Variants in APBB2 observed in about 807,000 individuals in gnomAD.
APBB2 encodes the protein amyloid beta precursor protein binding family B member 2.
In APBB2, 38 loss-of-function variants were observed where a neutral mutation model predicts 82.5. The ratio of observed to expected loss-of-function variants is 0.46; its 90% CI spans 0.36 to 0.60. The LOEUF is 0.60. Among genes scored for constraint, APBB2 ranks in the 20% least tolerant of loss-of-function variants. The pLI is 0.00. For synonymous variants in APBB2, 341 were observed against 368.2 expected (o/e 0.93, Z 0.85); for missense variants, 772 against 972.3 (o/e 0.79, Z 2.74).
At chr4:41,194,559 T>G in intron 1 of APBB2, among the ~76,000 whole-genome samples, 1 of 152,166 alleles carries the variant, frequency 6.6e-6, no homozygotes, top group East Asian at 1.9e-4. Context: ...GGCAGGCGCC[T>G]GTAGTCCCCG....
chr4:40,904,479 C>T (rs1350264441), intron 10 of APBB2, among the ~76,000 whole-genome samples: 1 of 149,612 alleles, frequency 6.7e-6, no homozygotes, highest in Non-Finnish European at 1.5e-5. Context: ...AATAAGGCAG[C>T]CAGTGAGCAA....
chr4:41,200,980 A>T (rs1776551498), intron 1 of APBB2, among the ~76,000 whole-genome samples: 1 of 152,180 alleles, frequency 6.6e-6, no homozygotes, highest in African/African-American at 2.4e-5. Context: ...ATGCTCTCAA[A>T]CAACCTTAGT....
chr4:40,935,215 C>T lies in APBB2; in HGVS notation c.1045-76G>A. On this transcript the variant is annotated intron_variant, in intron 7 of 17. Coordinates refer to ENST00000508593, the MANE Select transcript of APBB2 (RefSeq NM_004307.2). ...AAGAAAAGAAAAGAAAAAAAAAAAA[C>T]ACAAGACACTGTTGTTAGCATTGAT... 3.2e-6 allele frequency: 3 copies of T among 932,006 alleles called. No individual in the cohort carries two copies. The South Asian group carries it at 4.9e-5, about 15-fold the overall frequency. 57.7% of individuals were successfully genotyped at this position (932,006 alleles called of 1,614,324 possible). A position where few individuals can be genotyped will look rare whatever the true frequency, so the allele number is the denominator to read the frequency against.
rs541996963 is a variant in APBB2 at position 40,955,748 on chromosome 4, C to T, written c.836-10675G>A. 1.3e-3 allele frequency among the ~76,000 whole-genome samples: 198 copies of T among 151,982 alleles called. 1 individual carries two copies. The highest frequency in any genetic ancestry group is 2.4e-3 in the Non-Finnish European group (161 of 67,996). On this transcript the variant is annotated intron_variant, in intron 6 of 17. Transcript: ENST00000508593. ...AGCAACATAAAAAGATTCCATCTCC[C>T]TCCCCTAACCAAAACATATTTTTCT...
At chr4:41,180,599 G>T (rs953492740) in intron 1 of APBB2, among the ~76,000 whole-genome samples, 3 of 152,112 alleles carry the variant, frequency 2.0e-5, no homozygotes, top group Non-Finnish European at 4.4e-5. Flanking sequence ...AGTGAGCTAT[G>T]ATCGCACCAC....
intron 3 of APBB2, among the ~76,000 whole-genome samples, chr4:41,100,107 C>A (rs1580022774): frequency 1.3e-5 from 2 of 152,240 alleles, no homozygotes; most frequent in East Asian, 3.9e-4. Flanking sequence ...CAAAAAAATT[C>A]TAAAATAAAA....
intron 12 of APBB2, among the ~76,000 whole-genome samples, chr4:40,870,906 A>G (rs1336844859): frequency 2.6e-5 from 4 of 151,732 alleles, no homozygotes; most frequent in African/African-American, 9.7e-5. Flanking sequence ...CTAATTTTGT[A>G]TATTTAGCAG....
chr4:41,162,227 G>A (rs1223522637), intron 1 of APBB2, among the ~76,000 whole-genome samples: 5 of 137,576 alleles, frequency 3.6e-5, no homozygotes, highest in African/African-American at 1.1e-4. Context: ...ACAATTTGTC[G>A]AATCACAATC....
At chr4:41,056,279 C>T (rs1727842171) in intron 4 of APBB2, among the ~76,000 whole-genome samples, 1 of 152,170 alleles carries the variant, frequency 6.6e-6, no homozygotes, top group Admixed American at 6.5e-5. Flanking sequence ...GGCATATGCA[C>T]TCCCCTAGGC....
intron 8 of APBB2, 117 bp downstream of exon 8, chr4:40,934,960 G>A (rs1785049969): frequency 3.3e-6 from 3 of 898,872 alleles, no homozygotes; most frequent in Non-Finnish European, 5.0e-6. Context: ...CTAGCAAGAA[G>A]CCCGATCACT....
At position 40,869,756 on chromosome 4, in the gene APBB2, G is replaced by A. The variant is rs142666780; in HGVS notation, c.1529+20608C>T. ...TTGATATTTCTTGGTTTAGATCTTTGTATTAATTTCTTTGCCAATTATATA... is the reference window on the plus strand; with the variant it reads ...TTGATATTTCTTGGTTTAGATCTTTATATTAATTTCTTTGCCAATTATATA... On this transcript the variant is annotated intron_variant, in intron 12 of 17. Transcript: ENST00000508593. Among the ~76,000 whole-genome samples the A allele has an allele frequency of 1.9e-3, 287 of 152,114 alleles. 3 individuals are homozygous for A. The East Asian group carries it at 0.025, about 13-fold the overall frequency.
intron 12 of APBB2, among the ~76,000 whole-genome samples, chr4:40,882,622 CCTT>C (rs955423190): frequency 5.3e-5 from 8 of 152,158 alleles, no homozygotes; most frequent in African/African-American, 1.9e-4. Flanking sequence ...TGGCAGTTCT[CCTT>C]CGAGTGCTGC....
intron 5 of APBB2, among the ~76,000 whole-genome samples, chr4:41,031,875 A>G (rs951756613): frequency 2.0e-5 from 3 of 152,186 alleles, no homozygotes; most frequent in East Asian, 1.9e-4. Flanking sequence ...CAAAATTCAT[A>G]TATCTATTCA....
At chr4:40,982,940 C>T (rs1455107469) in intron 6 of APBB2, among the ~76,000 whole-genome samples, 5 of 152,170 alleles carry the variant, frequency 3.3e-5, no homozygotes, top group East Asian at 1.9e-4. Context: ...TAGGGAACTG[C>T]GATGGCCCTT....
At chr4:40,867,158 G>A (rs1186145430) in intron 12 of APBB2, among the ~76,000 whole-genome samples, 1 of 152,064 alleles carries the variant, frequency 6.6e-6, no homozygotes, top group East Asian at 1.9e-4. Flanking sequence ...CATTTATATC[G>A]TGTCTGTAGG....
intron 10 of APBB2, among the ~76,000 whole-genome samples, chr4:40,896,015 G>A (rs535958430): frequency 2.6e-5 from 4 of 152,082 alleles, no homozygotes; most frequent in Non-Finnish European, 4.4e-5. Context: ...AATGTCAGAT[G>A]GTGTTAGGAT....
chr4:41,090,907 C>G (rs185232579), intron 3 of APBB2, among the ~76,000 whole-genome samples: 1 of 152,286 alleles, frequency 6.6e-6, no homozygotes. Context: ...CAAAGGAAGA[C>G]TGCAGTCTCT....
At chr4:41,185,934 A>G (rs772204255) in intron 1 of APBB2, among the ~76,000 whole-genome samples, 2 of 152,176 alleles carry the variant, frequency 1.3e-5, no homozygotes, top group Admixed American at 6.5e-5. Flanking sequence ...TAATACCAAA[A>G]ACACCCCCAA....
At chr4:40,868,610 CATGACTT>C (rs904410278) in intron 12 of APBB2, among the ~76,000 whole-genome samples, 29 of 152,290 alleles carry the variant, frequency 1.9e-4, no homozygotes, top group African/African-American at 6.7e-4. Context: ...TAACTGAACT[CATGACTT>C]ATTAATTGAA....
Sources: allele counts gnomAD v4.1 joint callset (sites outside exome capture counted in the v4.1 genomes callset), GRCh38; gene constraint gnomAD v4.1.1; transcripts MANE v1.5; gene names NCBI Gene and HGNC (gene_info 2026-07-23, HGNC 2026-07-21).